GALNT1: variants seen among roughly 807,000 people sequenced by gnomAD.
The protein encoded by GALNT1 is polypeptide N-acetylgalactosaminyltransferase 1.
GALNT1 carries 17 observed loss-of-function variants against 65.7 expected under a neutral mutation model. That is an observed-to-expected ratio of 0.26 (90% confidence interval 0.18 to 0.39). The LOEUF (loss-of-function observed/expected upper bound fraction) is 0.39. Among genes scored for constraint, GALNT1 ranks in the 10% least tolerant of loss-of-function variants. GALNT1 has a pLI of 1.00. For missense variants in GALNT1, 460 were observed against 672.8 expected (o/e 0.68, Z 3.50); for synonymous variants, 210 against 219.7 (o/e 0.96, Z 0.39).
At chr18:35,670,885 A>G (rs1255021178) in intron 3 of GALNT1, among the ~76,000 whole-genome samples, 1 of 152,222 alleles carries the variant, frequency 6.6e-6, no homozygotes, top group African/African-American at 2.4e-5. Flanking sequence ...AAAAATGAAC[A>G]AATGAATGAC....
In GALNT1 at chr18:35,703,018, A is replaced by G; in HGVS notation, c.1398+23A>G. The stretch of plus-strand genomic sequence containing the variant: ...CAGGTGAGTATCTTAGAAAACTCTT[A>G]AAAGGGATAATTTTCAGATTGTTTT... On this transcript the variant is annotated intron_variant, in intron 10 of 11. Coordinates refer to ENST00000269195, the MANE Select transcript of GALNT1 (RefSeq NM_020474.4). The G allele has an allele frequency of 2.9e-6, 4 of 1,386,542 alleles. No individual in the cohort carries two copies. The South Asian group carries it at 5.3e-5, about 18-fold the overall frequency. The allele number at this position is 1,386,542 out of a possible 1,614,324, so 85.9% of individuals were successfully genotyped here. A position where few individuals can be genotyped will look rare whatever the true frequency, so the allele number is the denominator to read the frequency against.
At chr18:35,690,587 A>G (rs59823443) in intron 7 of GALNT1, among the ~76,000 whole-genome samples, 1,962 of 152,232 alleles carry the variant, frequency 0.013, 45 homozygotes, top group African/African-American at 0.045. Context: ...TCTAGATCCC[A>G]TATCTTTTCT....
chr18:35,606,464 A>G (rs1166002099), intron 1 of GALNT1, among the ~76,000 whole-genome samples: 2 of 152,182 alleles, frequency 1.3e-5, no homozygotes, highest in Non-Finnish European at 2.9e-5. Flanking sequence ...AGTGTAGGTA[A>G]TAGTATTAAA....
intron 11 of GALNT1, among the ~76,000 whole-genome samples, chr18:35,704,600 A>G (rs949296118): frequency 6.6e-6 from 1 of 151,596 alleles, no homozygotes; most frequent in African/African-American, 2.4e-5. Context: ...GAGCCATCAT[A>G]TCTGGCCTGA....
chr18:35,703,495 A>C lies in GALNT1; in HGVS notation c.1399-14A>C. ...TTATTTTTTCTGTTTATGTGTGTGC[A>C]TTTTTATTTCCAGGTTTTCTCTTAT... On this transcript the variant is annotated splice_polypyrimidine_tract_variant and intron_variant, in intron 10 of 11. Transcript: ENST00000269195. The C allele has an allele frequency of 6.2e-7, 1 of 1,610,650 alleles. No individual in the cohort carries two copies. The highest frequency in any genetic ancestry group is 8.5e-7 in the Non-Finnish European group (1 of 1,178,460).
intron 1 of GALNT1, among the ~76,000 whole-genome samples, chr18:35,604,530 A>G (rs1324600820): frequency 6.6e-6 from 1 of 152,200 alleles, no homozygotes; most frequent in Non-Finnish European, 1.5e-5. Context: ...TTACATTTCA[A>G]CCACCAGCAT....
intron 1 of GALNT1, among the ~76,000 whole-genome samples, chr18:35,602,643 T>A (rs1164631036): frequency 2.0e-5 from 3 of 152,200 alleles, no homozygotes; most frequent in African/African-American, 4.8e-5. Context: ...TGAGACCCTC[T>A]AATACACTTT....
rs1001763619 is a variant in GALNT1, at chr18:35,709,874, C to T, written c.*104C>T. On this transcript the variant is annotated 3_prime_UTR_variant, in exon 12 of 12. Coordinates refer to ENST00000269195, the MANE Select transcript of GALNT1 (RefSeq NM_020474.4). Reference sequence around the variant, plus strand: ...AGCAAAAAAGGAAAAGTGCTTTCCTCCTCTGCAGGATGTAAGGTTTATCAG... The same window carrying T: ...AGCAAAAAAGGAAAAGTGCTTTCCTTCTCTGCAGGATGTAAGGTTTATCAG... 36 of 1,297,560 alleles carry T rather than the reference C, an allele frequency of 2.8e-5. No individual in the cohort carries two copies. Among genetic ancestry groups the T allele is most frequent in the Non-Finnish European group, 6.4e-6 (6 of 941,062 alleles). 80.4% of individuals were successfully genotyped at this position (1,297,560 alleles called of 1,614,324 possible). A position where few individuals can be genotyped will look rare whatever the true frequency, so the allele number is the denominator to read the frequency against.
At chr18:35,588,403 T>C (rs2046402553) in intron 1 of GALNT1, among the ~76,000 whole-genome samples, 1 of 152,212 alleles carries the variant, frequency 6.6e-6, no homozygotes, top group Non-Finnish European at 1.5e-5. Flanking sequence ...TTATGATACA[T>C]TTCGGTGTGG....
chr18:35,703,884 G>T (rs937374213), intron 11 of GALNT1, among the ~76,000 whole-genome samples: 2 of 152,178 alleles, frequency 1.3e-5, no homozygotes, highest in Admixed American at 1.3e-4. Context: ...TGTTTACTGA[G>T]TAGCCACTGT....
chr18:35,645,395 G>A (rs959499408), intron 1 of GALNT1, among the ~76,000 whole-genome samples: 1 of 151,474 alleles, frequency 6.6e-6, no homozygotes, highest in African/African-American at 2.4e-5. Flanking sequence ...CACCATGCCC[G>A]GCTAATTTTT....
At chr18:35,671,082 G>A (rs1357604087) in intron 3 of GALNT1, among the ~76,000 whole-genome samples, 1 of 152,106 alleles carries the variant, frequency 6.6e-6, no homozygotes, top group Non-Finnish European at 1.5e-5. Context: ...TGTTTTAGGT[G>A]TATTTGTACT....
At chr18:35,637,326 A>T (rs1003296531) in intron 1 of GALNT1, among the ~76,000 whole-genome samples, 20 of 152,358 alleles carry the variant, frequency 1.3e-4, no homozygotes, top group African/African-American at 4.6e-4. Context: ...CTTGCGCCAT[A>T]TAACTTGAAA....
chr18:35,663,039 A>G (rs1017763520), intron 2 of GALNT1, among the ~76,000 whole-genome samples: 3 of 152,204 alleles, frequency 2.0e-5, no homozygotes, highest in Admixed American at 2.0e-4. Flanking sequence ...AGACTAGTAA[A>G]TAACCACTAT....
chr18:35,690,804 T>G (rs553736694), intron 7 of GALNT1, among the ~76,000 whole-genome samples: 1 of 152,310 alleles, frequency 6.6e-6, no homozygotes, highest in African/African-American at 2.4e-5. Context: ...ACTATCAATG[T>G]CATATATGGT....
At chr18:35,613,442 G>C (rs2046743821) in intron 1 of GALNT1, among the ~76,000 whole-genome samples, 1 of 152,176 alleles carries the variant, frequency 6.6e-6, no homozygotes, top group Non-Finnish European at 1.5e-5. Flanking sequence ...TCGTTGAGCT[G>C]ACAAGAGGTA....
intron 11 of GALNT1, among the ~76,000 whole-genome samples, chr18:35,706,475 C>T (rs1226769999): frequency 6.6e-6 from 1 of 151,962 alleles, no homozygotes; most frequent in Non-Finnish European, 1.5e-5. Context: ...GCACTCCAGC[C>T]TGGGCGACAG....
chr18:35,651,444 A>G (rs1461383875), intron 1 of GALNT1, among the ~76,000 whole-genome samples: 1 of 152,216 alleles, frequency 6.6e-6, no homozygotes, highest in Non-Finnish European at 1.5e-5. Context: ...TATTATATCA[A>G]AAATATAAAA....
At chr18:35,625,877 G>A (rs934759199) in intron 1 of GALNT1, among the ~76,000 whole-genome samples, 5 of 152,104 alleles carry the variant, frequency 3.3e-5, no homozygotes, top group Admixed American at 3.3e-4. Flanking sequence ...AAAAATTAAA[G>A]TATGAGAAGA....
Sources: gnomAD v4.1 joint callset for allele counts (sites outside exome capture counted in the v4.1 genomes callset) on GRCh38, gnomAD v4.1.1 for gene constraint, MANE v1.5 for transcripts, NCBI Gene and HGNC (gene_info 2026-07-23, HGNC 2026-07-21) for gene names.